Variants in EXOC6B observed in about 807,000 individuals in gnomAD.
EXOC6B encodes the protein exocyst complex component 6B.
EXOC6B carries 54 observed loss-of-function variants against 113.5 expected under a neutral mutation model. The observed-to-expected ratio is 0.48, with a 90% confidence interval of 0.38 to 0.60. EXOC6B has a LOEUF of 0.60. Ranked by LOEUF, EXOC6B falls within the 20% of genes least tolerant of loss-of-function variation. The pLI is 0.00. For synonymous variants in EXOC6B, 357 were observed against 339.0 expected (o/e 1.05, Z -0.58); for missense variants, 797 against 977.5 (o/e 0.82, Z 2.46).
intron 6 of EXOC6B, among the ~76,000 whole-genome samples, chr2:72,586,100 T>G (rs1431923185): frequency 6.6e-6 from 1 of 152,062 alleles, no homozygotes; most frequent in Non-Finnish European, 1.5e-5. Context: ...AAATTAACTA[T>G]GATGGATTAA....
At chr2:72,354,406 A>G (rs1356097566) in intron 19 of EXOC6B, 1 of 152,242 alleles carries the variant, frequency 6.6e-6, no homozygotes, top group East Asian at 1.9e-4. Flanking sequence ...GAAAGCCAAT[A>G]GCATGGCTTG....
intron 20 of EXOC6B, among the ~76,000 whole-genome samples, chr2:72,269,877 G>A (rs1279053333): frequency 7.2e-5 from 11 of 152,130 alleles, no homozygotes; most frequent in Admixed American, 4.6e-4. Context: ...AAATAAAAGG[G>A]TTGAGGAAGC....
At chr2:72,261,035 T>C (rs1364778579) in intron 20 of EXOC6B, among the ~76,000 whole-genome samples, 1 of 152,154 alleles carries the variant, frequency 6.6e-6, no homozygotes, top group Non-Finnish European at 1.5e-5. Flanking sequence ...ACAAGGTCTA[T>C]AAACTAAGCA....
intron 20 of EXOC6B, among the ~76,000 whole-genome samples, chr2:72,290,032 C>A (rs1439794766): frequency 6.6e-6 from 1 of 152,160 alleles, no homozygotes; most frequent in African/African-American, 2.4e-5. Context: ...TTTTATTTGC[C>A]TTTGGACTCG....
chr2:72,330,939 C>G (rs1053964728), intron 20 of EXOC6B, among the ~76,000 whole-genome samples: 1 of 152,050 alleles, frequency 6.6e-6, no homozygotes, highest in East Asian at 1.9e-4. Flanking sequence ...AAGAGTAGTC[C>G]TAGCTAAAGC....
intron 16 of EXOC6B, among the ~76,000 whole-genome samples, chr2:72,488,916 G>A (rs747436345): frequency 6.6e-6 from 1 of 152,076 alleles, no homozygotes; most frequent in Non-Finnish European, 1.5e-5. Context: ...GCTTTACGAC[G>A]GCCTACCATG....
At chr2:72,255,120 C>A (rs1008320276) in intron 20 of EXOC6B, among the ~76,000 whole-genome samples, 1 of 152,138 alleles carries the variant, frequency 6.6e-6, no homozygotes, top group Non-Finnish European at 1.5e-5. Flanking sequence ...TTGATCCACT[C>A]AACCATCTCA....
intron 19 of EXOC6B, among the ~76,000 whole-genome samples, chr2:72,369,807 G>A (rs142569310): frequency 0.11 from 16,412 of 152,066 alleles, 899 homozygotes; most frequent in African/African-American, 0.13. Flanking sequence ...CTGGCTAGCC[G>A]TATGTAGAAA....
intron 8 of EXOC6B, among the ~76,000 whole-genome samples, chr2:72,536,124 C>T (rs1702275942): frequency 6.6e-6 from 1 of 152,130 alleles, no homozygotes; most frequent in South Asian, 2.1e-4. Flanking sequence ...ATTGCTGATG[C>T]ATGCAGTCTT....
chr2:72,378,437 A>G (rs1223319487), intron 19 of EXOC6B, among the ~76,000 whole-genome samples: 1 of 152,192 alleles, frequency 6.6e-6, no homozygotes, highest in Non-Finnish European at 1.5e-5. Flanking sequence ...AGAAAAATGG[A>G]GAATGGCAAG....
At chr2:72,251,269 A>C (rs1683003180) in intron 20 of EXOC6B, among the ~76,000 whole-genome samples, 1 of 152,192 alleles carries the variant, frequency 6.6e-6, no homozygotes. Flanking sequence ...CTGTGTGTGC[A>C]AAGTGTATAC....
intron 1 of EXOC6B, among the ~76,000 whole-genome samples, chr2:72,782,493 T>C (rs1340203785): frequency 1.3e-5 from 2 of 152,192 alleles, no homozygotes; most frequent in African/African-American, 4.8e-5. Context: ...ACTTAAGGTG[T>C]CCATCACCTC....
intron 11 of EXOC6B, among the ~76,000 whole-genome samples, chr2:72,504,621 A>G (rs1045843940): frequency 6.6e-6 from 1 of 152,204 alleles, no homozygotes; most frequent in Non-Finnish European, 1.5e-5. Flanking sequence ...CATGTTTATT[A>G]TGGTGTATTA....
intron 6 of EXOC6B, among the ~76,000 whole-genome samples, chr2:72,711,764 A>C (rs1033079879): frequency 5.9e-5 from 9 of 152,188 alleles, no homozygotes; most frequent in African/African-American, 9.6e-5. Context: ...AAATCTGATA[A>C]CCAAGAGGGT....
chr2:72,497,105 C>A (rs2105572612), intron 13 of EXOC6B, among the ~76,000 whole-genome samples: 1 of 151,690 alleles, frequency 6.6e-6, no homozygotes, highest in East Asian at 1.9e-4. Context: ...TCCCAAGTAG[C>A]TGAAACTACA....
At chr2:72,442,545 T>G (rs532886079) in intron 18 of EXOC6B, among the ~76,000 whole-genome samples, 1 of 152,252 alleles carries the variant, frequency 6.6e-6, no homozygotes, top group African/African-American at 2.4e-5. Flanking sequence ...CAGCAAAGTT[T>G]CAGGATACAA....
chr2:72,502,341 A>C (rs2105602866), intron 11 of EXOC6B, among the ~76,000 whole-genome samples: 1 of 152,276 alleles, frequency 6.6e-6, no homozygotes, highest in East Asian at 1.9e-4. Context: ...TGAGGTCAGA[A>C]ACTCTGGGCC....
intron 8 of EXOC6B, among the ~76,000 whole-genome samples, chr2:72,547,380 C>A (rs1702968602): frequency 6.6e-6 from 1 of 152,154 alleles, no homozygotes; most frequent in South Asian, 2.1e-4. Flanking sequence ...TAGTATAACA[C>A]ATACGCAGAA....
intron 19 of EXOC6B, among the ~76,000 whole-genome samples, chr2:72,356,870 T>C (rs559121233): frequency 1.3e-5 from 2 of 152,242 alleles, no homozygotes; most frequent in South Asian, 4.1e-4. Flanking sequence ...TGGTGTAAAA[T>C]AAGAGTCACT....
Sources: gnomAD v4.1 joint callset for allele counts (sites outside exome capture counted in the v4.1 genomes callset) on GRCh38, gnomAD v4.1.1 for gene constraint, MANE v1.5 for transcripts, NCBI Gene and HGNC (gene_info 2026-07-23, HGNC 2026-07-21) for gene names.